EIF2S2: variants seen among roughly 807,000 people sequenced by gnomAD.
The protein encoded by EIF2S2 is eukaryotic translation initiation factor 2 subunit 2.
EIF2S2 carries 4 observed loss-of-function variants against 44.0 expected under a neutral mutation model. The observed-to-expected ratio is 0.09, with a 90% CI of 0.04 to 0.21. The LOEUF is 0.21. EIF2S2 is among the 10% of genes least tolerant of loss of function. The pLI is 1.00. For synonymous variants in EIF2S2, 108 were observed against 128.3 expected (o/e 0.84, Z 1.07); for missense variants, 154 against 392.0 (o/e 0.39, Z 5.13).
intron 2 of EIF2S2, 94 bp downstream of exon 2, chr20:34,105,274 T>C: frequency 3.7e-6 from 5 of 1,352,610 alleles, no homozygotes; most frequent in Non-Finnish European, 5.1e-6. Context: ...AACAGCCTTG[T>C]CAGGCTGAGA....
intron 1 of EIF2S2, among the ~76,000 whole-genome samples, chr20:34,110,953 G>A (rs1191495970): frequency 6.6e-6 from 1 of 152,136 alleles, no homozygotes; most frequent in Non-Finnish European, 1.5e-5. Flanking sequence ...TAGCCACTTA[G>A]TATTTGATCA....
chr20:34,096,575 C>T (rs965320987), intron 6 of EIF2S2, 82 bp downstream of exon 6: 6 of 1,382,922 alleles, frequency 4.3e-6, no homozygotes, highest in Middle Eastern at 2.6e-4. Context: ...ATAATAAAGT[C>T]GACAATAAGG....
chr20:34,105,415 G>C lies in EIF2S2; in HGVS notation c.146C>G (p.Thr49Ser), dbSNP rs2034337405. ...ATCAGCTTCCAAATCCTTGTCCTCA[G>C]TTGGCTCTGGCTCCACTTCTTTTGT... Reference protein sequence around the residue: ...SETKEVEPEPTEDKDLEADEE... With the variant: ...SETKEVEPEPSEDKDLEADEE... Residue 49 changes from threonine to serine, a missense_variant, in exon 2 of 9, where the codon ACT becomes AGT. By Grantham distance (58) the Thr-to-Ser change is moderately conservative. Around this residue, in one of 2 missense-constraint regions of EIF2S2, gnomAD observed 134 missense variants for 225.0 expected, o/e 0.60. Transcript: ENST00000374980. 2 of 1,614,040 alleles carry C rather than the reference G, an allele frequency of 1.2e-6. No homozygotes were observed. The highest frequency in any genetic ancestry group is 1.7e-6 in the Non-Finnish European group (2 of 1,179,924).
chr20:34,093,557 TA>T, intron 7 of EIF2S2, 117 bp downstream of exon 7: 1 of 912,660 alleles, frequency 1.1e-6, no homozygotes, highest in Non-Finnish European at 1.6e-6. Flanking sequence ...TCCACTGGCC[TA>T]AAAGTTTCTC....
At chr20:34,108,763 C>T (rs185475659) in intron 1 of EIF2S2, among the ~76,000 whole-genome samples, 18 of 152,278 alleles carry the variant, frequency 1.2e-4, no homozygotes, top group African/African-American at 4.1e-4. Flanking sequence ...GAAGCTTCCT[C>T]TCATAGATCA....
rs375194055 is a variant in EIF2S2, at chr20:34,089,766, C to T, written c.966G>A (p.Thr322=). 2.4e-5 allele frequency: 39 copies of T among 1,613,036 alleles called. No homozygotes were observed. The highest frequency in any genetic ancestry group is 1.8e-4 in the Middle Eastern group (1 of 5,516). ...ASIKTGFQAV[T]GKRAQLRAKA... ...TGGCACGGAGCTGTGCTCGCTTGCC[C>T]GTGACAGCCTGGAAGCCGGTTTTGA... Residue 322 remains threonine (T), a synonymous_variant, in exon 9 of 9, where the codon ACG becomes ACA. Transcript: ENST00000374980.
intron 1 of EIF2S2, among the ~76,000 whole-genome samples, chr20:34,110,513 A>G (rs1470098115): frequency 6.6e-6 from 1 of 152,220 alleles, no homozygotes; most frequent in Non-Finnish European, 1.5e-5. Flanking sequence ...CTAAGTGGCC[A>G]AACTAATACT....
At chr20:34,092,400 G>A (rs1388196617) in intron 7 of EIF2S2, among the ~76,000 whole-genome samples, 1 of 152,196 alleles carries the variant, frequency 6.6e-6, no homozygotes, top group Non-Finnish European at 1.5e-5. Context: ...GCTGGGTGCG[G>A]TGGCTCACGC....
chr20:34,090,753 T>G (rs1259395042), intron 7 of EIF2S2, 151 bp from the exon 8 acceptor site: 1 of 461,754 alleles, frequency 2.2e-6, no homozygotes, highest in African/African-American at 2.0e-5. Context: ...TTCCCAAAAT[T>G]TATTTATTTA....
At position 34,112,147 on chromosome 20, in the gene EIF2S2, T is replaced by G; in HGVS notation, c.-37A>C. On this transcript the variant is annotated 5_prime_UTR_variant, in exon 1 of 9. Coordinates refer to ENST00000374980, the MANE Select transcript of EIF2S2 (RefSeq NM_003908.5). ...GAGTGGGCTCGGCACGGACGGGAAG[T>G]CAGACGGGTCAGCCCCAGGCCCCGG... is the stretch of plus-strand genomic sequence containing the variant. 1 of 1,530,346 alleles carries G rather than the reference T, an allele frequency of 6.5e-7. No individual in the cohort carries two copies. The highest frequency in any genetic ancestry group is 8.8e-7 in the Non-Finnish European group (1 of 1,134,416). The allele number at this position is 1,530,346 out of a possible 1,614,324, so 94.8% of individuals were successfully genotyped here.
chr20:34,105,672 G>C (rs1166915220), intron 1 of EIF2S2, 127 bp from the exon 2 acceptor site: 12 of 868,452 alleles, frequency 1.4e-5, no homozygotes, highest in Non-Finnish European at 1.8e-5. Flanking sequence ...AACACCAAAG[G>C]GGAGTTTACC....
At chr20:34,108,839 A>G (rs2034377797) in intron 1 of EIF2S2, among the ~76,000 whole-genome samples, 1 of 152,204 alleles carries the variant, frequency 6.6e-6, no homozygotes, top group Non-Finnish European at 1.5e-5. Flanking sequence ...GTCACAAAAG[A>G]ACCCACAGAG....
In EIF2S2 at chr20:34,112,158, A is replaced by G. The variant is rs1265262142; in HGVS notation, c.-48T>C. 10 of 1,517,306 alleles carry G rather than the reference A, an allele frequency of 6.6e-6. No homozygotes were observed. The highest frequency in any genetic ancestry group is 6.1e-5 in the South Asian group (5 of 81,334). 94.0% of individuals were successfully genotyped at this position (1,517,306 alleles called of 1,614,324 possible). A position where few individuals can be genotyped will look rare whatever the true frequency, so the allele number is the denominator to read the frequency against. ...GCACGGACGGGAAGTCAGACGGGTC[A>G]GCCCCAGGCCCCGGCGGCAGCGCTG... On this transcript the variant is annotated 5_prime_UTR_variant, in exon 1 of 9. Transcript: ENST00000374980.
At position 34,089,091 on chromosome 20, in the gene EIF2S2, T is replaced by C. The variant is rs2034129748; in HGVS notation, c.*639A>G. ...GAAGGAGGGTACCTAGCACCTTGTA[T>C]TCCCTCATGTGGTAACAGCTGGGGG... On this transcript the variant is annotated 3_prime_UTR_variant, in exon 9 of 9. Coordinates refer to ENST00000374980, the MANE Select transcript of EIF2S2 (RefSeq NM_003908.5). 6.5e-6 allele frequency: 1 copy of C among 152,690 alleles called. No homozygotes were observed. Among genetic ancestry groups the C allele is most frequent in the Non-Finnish European group, 1.5e-5 (1 of 68,096 alleles). 9.5% of individuals were successfully genotyped at this position (152,690 alleles called of 1,614,324 possible).
intron 3 of EIF2S2, among the ~76,000 whole-genome samples, chr20:34,101,863 T>C (rs2034299646): frequency 2.0e-5 from 3 of 151,954 alleles, no homozygotes; most frequent in Admixed American, 2.0e-4. Context: ...TTAGTAGAGA[T>C]GGGGTTTCAC....
chr20:34,094,391 T>C (rs1180516334), intron 6 of EIF2S2, among the ~76,000 whole-genome samples: 1 of 152,184 alleles, frequency 6.6e-6, no homozygotes, highest in Non-Finnish European at 1.5e-5. Context: ...TTCTTTTGTT[T>C]TTGAGACTAT....
chr20:34,101,228 T>G (rs979016498), intron 3 of EIF2S2, among the ~76,000 whole-genome samples: 14 of 152,124 alleles, frequency 9.2e-5, no homozygotes, highest in African/African-American at 3.1e-4. Flanking sequence ...GCGGATCACC[T>G]AAGGTCAAGA....
intron 6 of EIF2S2, 105 bp downstream of exon 6, chr20:34,096,552 G>T: frequency 1.7e-6 from 2 of 1,207,632 alleles, no homozygotes; most frequent in Non-Finnish European, 2.3e-6. Flanking sequence ...ACACCTGTGT[G>T]TTCTTTCCAT....
intron 7 of EIF2S2, 61 bp from the exon 8 acceptor site, chr20:34,090,663 C>T: frequency 1.0e-6 from 1 of 974,300 alleles, no homozygotes; most frequent in Admixed American, 2.6e-5. Flanking sequence ...AACCAAATTC[C>T]AGCACCTTTA....
Sources: allele counts gnomAD v4.1 joint callset (sites outside exome capture counted in the v4.1 genomes callset), GRCh38; gene constraint gnomAD v4.1.1; regional missense constraint gnomAD v4.1.1; transcripts MANE v1.5; gene names NCBI Gene and HGNC (gene_info 2026-07-23, HGNC 2026-07-21).